FGF17: variants seen among roughly 807,000 people sequenced by gnomAD.
FGF17 encodes fibroblast growth factor 17.
Under a neutral mutation model 23.5 loss-of-function variants are expected in FGF17, and 5 were observed. The observed-to-expected ratio is 0.21, with a 90% CI of 0.11 to 0.45. FGF17 has a LOEUF of 0.45. FGF17 is among the 20% of genes least tolerant of loss of function. The pLI is 0.99. For missense variants in FGF17, 221 were observed against 306.9 expected (o/e 0.72, Z 2.09); for synonymous variants, 136 against 123.0 (o/e 1.11, Z -0.70).
In FGF17 at chr8:22,043,011, T is replaced by A. The variant is rs568297735; in HGVS notation, c.35+48T>A. On this transcript the variant is annotated intron_variant, in intron 1 of 4. Transcript: ENST00000359441. ...TGGAGTTTCGTTGCCATTTCCAGCC[T>A]CAGGGCAGCCCTCCTCTTCCCGGGA... 29 of 1,608,022 alleles carry A rather than the reference T, an allele frequency of 1.8e-5. 1 individual carries two copies. The South Asian group carries it at 3.1e-4, about 17-fold the overall frequency.
At chr8:22,045,554 CAGG>C in intron 2 of FGF17, 6 of 996,874 alleles carry the variant, frequency 6.0e-6, no homozygotes, top group Non-Finnish European at 7.2e-6. Flanking sequence ...TGGGACCCTG[CAGG>C]AGCTTTCAGA....
At chr8:22,040,379 T>C (rs995891173), upstream of FGF17, among the ~76,000 whole-genome samples, 1 of 152,144 alleles carries the variant, frequency 6.6e-6, no homozygotes, top group South Asian at 2.1e-4. Context: ...CCATGCTGCC[T>C]CCCCACTTGG....
At chr8:22,042,536 T>C (rs916160890), upstream of FGF17, 3 of 323,340 alleles carry the variant, frequency 9.3e-6, no homozygotes, top group Middle Eastern at 8.8e-4. Context: ...TGCGTCGAGT[T>C]TGGCCAGTCT....
chr8:22,044,283 G>A (rs980836616), intron 2 of FGF17, among the ~76,000 whole-genome samples: 4 of 151,714 alleles, frequency 2.6e-5, no homozygotes, highest in South Asian at 2.1e-4. Context: ...CCCCCTGGGA[G>A]GGGGGGCCAG....
upstream of FGF17, among the ~76,000 whole-genome samples, chr8:22,040,516 A>G (rs1800721408): frequency 6.6e-6 from 1 of 152,240 alleles, no homozygotes; most frequent in Non-Finnish European, 1.5e-5. Context: ...CCATCCAGCC[A>G]TGCCCAGAGC....
At chr8:22,044,644 G>C in intron 2 of FGF17, 1 of 982,984 alleles carries the variant, frequency 1.0e-6, no homozygotes, top group Non-Finnish European at 1.2e-6. Flanking sequence ...CGTGGGGCAG[G>C]CTGGGCAGGT....
At chr8:22,047,502 T>C (rs1436630951) in intron 4 of FGF17, among the ~76,000 whole-genome samples, 1 of 152,206 alleles carries the variant, frequency 6.6e-6, no homozygotes, top group African/African-American at 2.4e-5. Context: ...AGGCTTCTTG[T>C]CTGTAGAAAT....
At chr8:22,042,705 G>T (rs1800758609), upstream of FGF17, 1 of 608,122 alleles carries the variant, frequency 1.6e-6, no homozygotes, top group Non-Finnish European at 2.9e-6. Context: ...CACTGGCCAG[G>T]AAGGTGGACA....
intron 2 of FGF17, chr8:22,045,651 C>T: frequency 1.9e-6 from 2 of 1,067,974 alleles, no homozygotes; most frequent in South Asian, 3.1e-5. Context: ...CTTTCAAGGC[C>T]AGTGGGGAGG....
chr8:22,043,186 G>T lies in FGF17; in HGVS notation c.72+5G>T, dbSNP rs1411753133. On this transcript the variant is annotated splice_donor_5th_base_variant and intron_variant, in intron 2 of 4. Coordinates refer to ENST00000359441, the MANE Select transcript of FGF17 (RefSeq NM_003867.4). ...ATTCTCTGCTGTCAAACTCAGGTAGGCGGGCATTCCCACCGGCTTTCCCCC... is the reference window on the plus strand; with the variant it reads ...ATTCTCTGCTGTCAAACTCAGGTAGTCGGGCATTCCCACCGGCTTTCCCCC... 1 of 1,613,404 alleles carries T rather than the reference G, an allele frequency of 6.2e-7. No homozygotes were observed. The highest frequency in any genetic ancestry group is 1.1e-5 in the South Asian group (1 of 91,054).
Position 22,046,117 on chromosome 8 carries a change from G to C in FGF17, c.76G>C (p.Glu26Gln), listed in dbSNP as rs1289924237. The C allele has an allele frequency of 6.2e-7, 1 of 1,614,166 alleles. No individual in the cohort carries two copies. Among genetic ancestry groups the C allele is most frequent in the Non-Finnish European group, 8.5e-7 (1 of 1,180,042 alleles). Reference protein sequence around the residue: ...LLILCCQTQGENHPSPNFNQY... With the variant: ...LLILCCQTQGQNHPSPNFNQY... ...TTTTCCCTTGGTAACCGCAAAGGGGGAGAATCACCCGTCTCCTAATTTTAA... is the reference window on the plus strand; with the variant it reads ...TTTTCCCTTGGTAACCGCAAAGGGGCAGAATCACCCGTCTCCTAATTTTAA... The change falls in exon 3 of 5, where the codon GAG becomes CAG. Residue 26 changes from glutamate (E) to glutamine (Q), a missense_variant. Glu to Gln is a conservative substitution (Grantham distance 29). This residue lies in a region of FGF17 where 35 missense variants were observed against 35.5 expected (regional missense o/e 0.99). Coordinates refer to ENST00000359441, the MANE Select transcript of FGF17 (RefSeq NM_003867.4).
At chr8:22,045,455 G>A (rs566727158) in intron 2 of FGF17, 1 of 990,312 alleles carries the variant, frequency 1.0e-6, no homozygotes, top group Non-Finnish European at 1.2e-6. Context: ...GAGGAACACT[G>A]GAAGGGCCCT....
intron 2 of FGF17, chr8:22,044,959 G>C: frequency 3.0e-6 from 3 of 985,840 alleles, no homozygotes; most frequent in Non-Finnish European, 3.6e-6. Context: ...GGCAGGGGCT[G>C]AGAAAAGCTG....
chr8:22,043,546 T>C (rs577257713), intron 2 of FGF17, among the ~76,000 whole-genome samples: 5 of 152,298 alleles, frequency 3.3e-5, no homozygotes, highest in African/African-American at 1.2e-4. Context: ...AGGACAGGTT[T>C]TGATGCAAGA....
upstream of FGF17, among the ~76,000 whole-genome samples, chr8:22,041,489 C>A (rs566947878): frequency 3.9e-5 from 6 of 152,228 alleles, no homozygotes; most frequent in Non-Finnish European, 8.8e-5. Flanking sequence ...TCTGCTTGCT[C>A]ACACTGGGTC....
At chr8:22,040,228 G>A (rs75167476), upstream of FGF17, among the ~76,000 whole-genome samples, 2,821 of 152,308 alleles carry the variant, frequency 0.019, 29 homozygotes, top group Middle Eastern at 0.027. Context: ...CGTGGATGGC[G>A]GTGGTTTTGA....
At chr8:22,044,045 CCCTTTTGCTCCAGCCCCGTTCCAGG>C (rs759041909) in intron 2 of FGF17, among the ~76,000 whole-genome samples, 11 of 151,968 alleles carry the variant, frequency 7.2e-5, no homozygotes, top group Non-Finnish European at 1.6e-4. Flanking sequence ...CCTTCCTTCC[CCCTTTTGCTCCAGCCCCGTTCCAGG>C]CCTTTTGCTT....
At position 22,048,440 on chromosome 8, in the gene FGF17, C is replaced by G; in HGVS notation, c.*191C>G. The G allele has an allele frequency of 1.7e-6, 1 of 605,254 alleles. No homozygotes were observed. 37.5% of individuals were successfully genotyped at this position (605,254 alleles called of 1,614,324 possible). A position where few individuals can be genotyped will look rare whatever the true frequency, so the allele number is the denominator to read the frequency against. On this transcript the variant is annotated 3_prime_UTR_variant, in exon 5 of 5. Coordinates refer to ENST00000359441, the MANE Select transcript of FGF17 (RefSeq NM_003867.4). This position sits in a 1 kb window ranked among gnomAD's most constrained non-coding sequence, Gnocchi z 6.9. ...CCAGGGGCGGCTGGCACAGTGCCCCCTTCCCGGACGGGTGGCAGGCCCTGG... is the reference window on the plus strand; with the variant it reads ...CCAGGGGCGGCTGGCACAGTGCCCCGTTCCCGGACGGGTGGCAGGCCCTGG...
Position 22,048,072 on chromosome 8 carries a change from G to A in FGF17, c.474G>A (p.Arg158=), listed in dbSNP as rs1800991073. 1.2e-6 allele frequency: 2 copies of A among 1,612,732 alleles called. No individual in the cohort carries two copies. The highest frequency in any genetic ancestry group is 3.3e-4 in the Middle Eastern group (2 of 6,058). ...GWFMAFTRQG[R]PRQASRSRQN... ...TCATGGCCTTCACGCGGCAGGGGCG[G>A]CCCCGCCAGGCTTCCCGCAGCCGCC... The change falls in exon 5 of 5, where the codon CGG becomes CGA. Residue 158 remains arginine, a synonymous_variant. Transcript: ENST00000359441. This position sits in a 1 kb window ranked among gnomAD's most constrained non-coding sequence, Gnocchi z 6.9.
Sources: allele counts gnomAD v4.1 joint callset (sites outside exome capture counted in the v4.1 genomes callset), GRCh38; gene constraint gnomAD v4.1.1; regional missense constraint gnomAD v4.1.1; non-coding constraint Gnocchi (gnomAD v3.1); transcripts MANE v1.5; gene names NCBI Gene and HGNC (gene_info 2026-07-23, HGNC 2026-07-21).